Variants in MBIP observed in about 807,000 individuals in gnomAD.
MBIP encodes the protein MAP3K12 binding inhibitory protein 1.
In MBIP, 32 loss-of-function variants were observed where a neutral mutation model predicts 45.7. The observed-to-expected ratio is 0.70, with a 90% CI of 0.53 to 0.94. MBIP has a LOEUF of 0.94. Ranked by LOEUF, MBIP falls within the 40% of genes least tolerant of loss-of-function variation. The pLI, the probability that MBIP is intolerant of heterozygous loss-of-function variation, is 0.00. For synonymous variants in MBIP, 145 were observed against 141.0 expected, an observed-to-expected ratio of 1.03 and a Z score of -0.20; for missense variants, 381 against 405.5, an observed-to-expected ratio of 0.94 and a Z score of 0.52.
At chr14:36,306,612 G>A (rs1334316275) in intron 7 of MBIP, among the ~76,000 whole-genome samples, 1 of 152,046 alleles carries the variant, frequency 6.6e-6, no homozygotes, top group Non-Finnish European at 1.5e-5. Flanking sequence ...AGAGAAGAGA[G>A]GAATGATGCT....
chr14:36,298,967 A>C lies in MBIP; in HGVS notation c.*116T>G. 1.5e-6 allele frequency: 1 copy of C among 668,198 alleles called. No homozygotes were observed. The highest frequency in any genetic ancestry group is 2.5e-6 in the Non-Finnish European group (1 of 396,768). 41.4% of individuals were successfully genotyped at this position (668,198 alleles called of 1,614,324 possible). On this transcript the variant is annotated 3_prime_UTR_variant, in exon 9 of 9. Transcript: ENST00000416007. ...TGCAAGCTGGACTCATGTGAAAATA[A>C]ACCTTGACTTCACAGAGAAGTCTAC...
rs191425477 is a variant in MBIP at position 36,311,672 on chromosome 14, C to G, written c.691G>C (p.Gly231Arg). ...ATGCTGTTAGGTTTATGACCTGACC[C>G]TGGAATTCCTTCAGGTCTAGTCTGT... ...GPQTRPEGIP[G>R]SGHKPNSMLR... is the part of the protein sequence containing the mutation. The change falls in exon 6 of 9, where the codon GGG (glycine) becomes CGG (arginine). Residue 231 changes from glycine to arginine, a missense_variant. Transcript: ENST00000416007. 2 of 1,613,192 alleles carry G rather than the reference C, an allele frequency of 1.2e-6. No homozygotes were observed. The highest frequency in any genetic ancestry group is 1.7e-6 in the Non-Finnish European group (2 of 1,179,318).
At position 36,314,548 on chromosome 14, in the gene MBIP, C is replaced by T. The variant is rs746753480; in HGVS notation, c.535G>A (p.Val179Ile). ...RKQAEINENN[V>I]REFCNVIDCN... is the part of the protein sequence containing the mutation. ...TCAATAACATTGCAAAATTCCCTGACGTTGTTTTCATTGATTTCAGCTTGC... is the reference window on the plus strand; with the variant it reads ...TCAATAACATTGCAAAATTCCCTGATGTTGTTTTCATTGATTTCAGCTTGC... Residue 179 changes from valine (V) to isoleucine (I), a missense_variant, in exon 4 of 9, where the codon GTC becomes ATC. Coordinates refer to ENST00000416007, the MANE Select transcript of MBIP (RefSeq NM_016586.3). The T allele has an allele frequency of 1.7e-5, 27 of 1,610,214 alleles. No homozygotes were observed. In the Admixed American group the frequency reaches 2.0e-4, roughly 12 times the overall value.
intron 7 of MBIP, among the ~76,000 whole-genome samples, chr14:36,303,467 TA>T (rs1390231083): frequency 6.6e-6 from 1 of 152,210 alleles, no homozygotes; most frequent in Non-Finnish European, 1.5e-5. Flanking sequence ...GGCTATATGG[TA>T]TAGTCTATTG....
intron 8 of MBIP, 102 bp from the exon 9 acceptor site, chr14:36,299,292 T>G: frequency 1.3e-6 from 1 of 766,998 alleles, no homozygotes. Context: ...TTCAAAAGCA[T>G]GATCAAATGG....
chr14:36,320,407 C>A, intron 1 of MBIP, 53 bp downstream of exon 1: 1 of 1,611,556 alleles, frequency 6.2e-7, no homozygotes, highest in South Asian at 1.1e-5. Context: ...AAAAGAATGG[C>A]GAGGAGGGAC....
chr14:36,303,568 C>T (rs1275332763), intron 7 of MBIP, among the ~76,000 whole-genome samples: 1 of 152,102 alleles, frequency 6.6e-6, no homozygotes, highest in East Asian at 1.9e-4. Flanking sequence ...AAACACGTCT[C>T]AACATAGAAA....
intron 4 of MBIP, chr14:36,313,405 T>C (rs1330678128): frequency 6.6e-6 from 1 of 152,168 alleles, no homozygotes; most frequent in East Asian, 1.9e-4. Context: ...GGAATCCTGC[T>C]GAGCATTTCA....
intron 7 of MBIP, among the ~76,000 whole-genome samples, chr14:36,301,285 CTG>C (rs2139195081): frequency 6.6e-6 from 1 of 152,274 alleles, no homozygotes; most frequent in Non-Finnish European, 1.5e-5. Flanking sequence ...ATAGTAGACA[CTG>C]TGGTTGTTTA....
intron 8 of MBIP, 59 bp downstream of exon 8, chr14:36,300,726 G>T (rs1879492055): frequency 5.6e-6 from 7 of 1,258,594 alleles, no homozygotes; most frequent in Non-Finnish European, 6.6e-6. Flanking sequence ...TTATTAATAA[G>T]AAAGGTATAA....
chr14:36,320,340 T>G, intron 1 of MBIP, 120 bp downstream of exon 1: 1 of 1,442,086 alleles, frequency 6.9e-7, no homozygotes, highest in Non-Finnish European at 9.5e-7. Context: ...ACACCTCGGC[T>G]TCGGGACCGC....
intron 6 of MBIP, 83 bp downstream of exon 6, chr14:36,311,490 G>T (rs145147205): frequency 1.1e-5 from 15 of 1,326,780 alleles, no homozygotes; most frequent in Middle Eastern, 2.0e-4. Context: ...GGAGCTAAAT[G>T]AAAATTTGGT....
chr14:36,301,352 C>A (rs1199868255), intron 7 of MBIP, among the ~76,000 whole-genome samples: 1 of 152,186 alleles, frequency 6.6e-6, no homozygotes, highest in Non-Finnish European at 1.5e-5. Context: ...AATGGCTTCC[C>A]GGTCTTGTCA....
At chr14:36,315,018 A>T in intron 2 of MBIP, 103 bp from the exon 3 acceptor site, 2 of 688,834 alleles carry the variant, frequency 2.9e-6, no homozygotes, top group Non-Finnish European at 4.9e-6. Flanking sequence ...GAAATACTTA[A>T]TATCAGTTAA....
At chr14:36,316,978 C>G (rs1880612795) in intron 1 of MBIP, among the ~76,000 whole-genome samples, 166 bp from the exon 2 acceptor site, 1 of 152,056 alleles carries the variant, frequency 6.6e-6, no homozygotes, top group Non-Finnish European at 1.5e-5. Flanking sequence ...TTTCAAAAGG[C>G]CAAGAAAGCT....
rs781069288 is a variant in MBIP at position 36,314,876 on chromosome 14, TCTC to T, written c.286_288del (p.Glu96del). 16 of 1,613,288 alleles carry T rather than the reference TCTC, an allele frequency of 9.9e-6. No individual in the cohort carries two copies. Among genetic ancestry groups the T allele is most frequent in the Admixed American group, 3.3e-5 (2 of 59,914 alleles). ...CCTATCTCTTCAACAGCAGTTGTAT[TCTC>T]CTCTTTAATCGGAGACTGAAGTTTT... On this transcript the variant is annotated inframe_deletion, in exon 3 of 9. Coordinates refer to ENST00000416007, the MANE Select transcript of MBIP (RefSeq NM_016586.3).
At chr14:36,306,834 C>T (rs1433232773) in intron 7 of MBIP, among the ~76,000 whole-genome samples, 1 of 152,148 alleles carries the variant, frequency 6.6e-6, no homozygotes, top group East Asian at 1.9e-4. Context: ...TATGAAGTCT[C>T]CTAGGAAGAC....
At chr14:36,315,936 C>A (rs75481502) in intron 2 of MBIP, among the ~76,000 whole-genome samples, 3 of 151,688 alleles carry the variant, frequency 2.0e-5, no homozygotes, top group Non-Finnish European at 4.4e-5. Flanking sequence ...ACTGACCAAT[C>A]CAGTTTTTCC....
intron 7 of MBIP, among the ~76,000 whole-genome samples, chr14:36,306,717 T>C (rs1209073058): frequency 1.3e-5 from 2 of 152,214 alleles, no homozygotes; most frequent in South Asian, 2.1e-4. Context: ...AGGTATGAAA[T>C]TGAACTAGAA....
Sources: allele counts gnomAD v4.1 joint callset (sites outside exome capture counted in the v4.1 genomes callset), GRCh38; gene constraint gnomAD v4.1.1; transcripts MANE v1.5; gene names NCBI Gene and HGNC (gene_info 2026-07-23, HGNC 2026-07-21).